MCM9: variants seen among roughly 807,000 people sequenced by gnomAD.
MCM9 encodes the protein DNA helicase MCM9.
In MCM9, 55 loss-of-function variants were observed where a neutral mutation model predicts 72.8. The observed-to-expected ratio is 0.76, with a 90% CI of 0.61 to 0.95. The LOEUF (loss-of-function observed/expected upper bound fraction) is 0.95, where lower values mean the gene tolerates loss of function less well. Ranked by LOEUF, MCM9 falls within the 40% of genes least tolerant of loss-of-function variation. The pLI is 0.00. For synonymous variants in MCM9, 480 were observed against 503.4 expected (o/e 0.95, Z 0.62); for missense variants, 1,279 against 1,377.0 (o/e 0.93, Z 1.13).
chr6:118,822,706 C>T (rs1015724204), intron 13 of MCM9, among the ~76,000 whole-genome samples: 1 of 152,202 alleles, frequency 6.6e-6, no homozygotes, highest in Middle Eastern at 3.2e-3. Context: ...AAGTTTTAGT[C>T]TGCTGAAGCA....
At chr6:118,839,894 C>T (rs1194059305) in intron 9 of MCM9, among the ~76,000 whole-genome samples, 4 of 152,126 alleles carry the variant, frequency 2.6e-5, no homozygotes, top group Admixed American at 1.3e-4. Context: ...TCAGGAGGCA[C>T]GGGAGTCAGG....
intron 9 of MCM9, among the ~76,000 whole-genome samples, chr6:118,840,891 C>A (rs913972236): frequency 2.2e-4 from 33 of 152,100 alleles, no homozygotes; most frequent in Non-Finnish European, 3.8e-4. Flanking sequence ...GCATGAGCTA[C>A]CATGCCTGGA....
At chr6:118,893,962 T>TCC in intron 8 of MCM9, 1 of 903,528 alleles carries the variant, frequency 1.1e-6, no homozygotes, top group Non-Finnish European at 1.3e-6. Context: ...CCACGCCCCC[T>TCC]CCGCCCCTCT....
chr6:118,869,085 T>C (rs1777412675), intron 8 of MCM9, among the ~76,000 whole-genome samples: 1 of 152,068 alleles, frequency 6.6e-6, no homozygotes, highest in South Asian at 2.1e-4. Flanking sequence ...TATGCAGCCA[T>C]AAAAAAGGAT....
At chr6:118,882,960 A>G (rs1778384787) in intron 8 of MCM9, among the ~76,000 whole-genome samples, 1 of 152,014 alleles carries the variant, frequency 6.6e-6, no homozygotes, top group Non-Finnish European at 1.5e-5. Context: ...AATGTGGCCC[A>G]CACACAGGGA....
chr6:118,880,240 A>G (rs967026315), intron 8 of MCM9, among the ~76,000 whole-genome samples: 2 of 152,186 alleles, frequency 1.3e-5, no homozygotes, highest in African/African-American at 2.4e-5. Flanking sequence ...GAGGAATTAG[A>G]TAAATTTGTA....
chr6:118,929,814 T>TA (rs1362309141), intron 3 of MCM9, among the ~76,000 whole-genome samples: 2 of 152,064 alleles, frequency 1.3e-5, no homozygotes, highest in Admixed American at 1.3e-4. Flanking sequence ...CTCTAATTTT[T>TA]AAAAAAGGCT....
Position 118,815,011 on chromosome 6 carries a change from C to T in MCM9, c.3245G>A (p.Gly1082Asp). The T allele has an allele frequency of 6.5e-7, 1 of 1,550,308 alleles. No homozygotes were observed. Among genetic ancestry groups the T allele is most frequent in the Non-Finnish European group, 8.7e-7 (1 of 1,146,862 alleles). Reference sequence around the variant, plus strand: ...AGGAGGGGAGCTTGGGCCTCTCTCACCTCGGTTCTTCCTTTCAGGAGGAGG... The same window carrying T: ...AGGAGGGGAGCTTGGGCCTCTCTCATCTCGGTTCTTCCTTTCAGGAGGAGG... ...KSPPPERKNR[G>D]ERGPSSPPTT... is the part of the protein sequence containing the mutation. The change falls in exon 14 of 14, where the codon GGT (glycine) becomes GAT (aspartate). Residue 1082 changes from glycine (G) to aspartate (D), a missense_variant. Physicochemically the swap from Gly to Asp is moderately conservative, Grantham distance 94. Coordinates refer to ENST00000619706, the MANE Select transcript of MCM9 (RefSeq NM_017696.3).
At chr6:118,896,048 T>G (rs982045571) in intron 8 of MCM9, among the ~76,000 whole-genome samples, 51 of 151,894 alleles carry the variant, frequency 3.4e-4, no homozygotes, top group African/African-American at 1.2e-3. Context: ...CCCGTTTTTT[T>G]TTTTTTTTTA....
intron 9 of MCM9, among the ~76,000 whole-genome samples, chr6:118,847,069 T>C (rs560447423): frequency 9.2e-5 from 14 of 151,542 alleles, no homozygotes; most frequent in Admixed American, 1.3e-4. Flanking sequence ...AAATTCACAA[T>C]ATAAAAGCAC....
In MCM9 at chr6:118,826,819, G is replaced by C; in HGVS notation, c.1778C>G (p.Ala593Gly). The change falls in exon 12 of 14, where the codon GCT becomes GGT. Residue 593 changes from alanine to glycine, a missense_variant. Physicochemically the swap from Ala to Gly is moderately conservative, Grantham distance 60. Transcript: ENST00000619706. ...CTCCATGACTGACACCACCGTAATA[G>C]CGTCTTCCAGAGTTACAGTATCACG... ...MFRDTVTLED[A>G]ITVVSVMESS... The C allele has an allele frequency of 6.4e-7, 1 of 1,550,414 alleles. No individual in the cohort carries two copies. Among genetic ancestry groups the C allele is most frequent in the Non-Finnish European group, 8.7e-7 (1 of 1,146,922 alleles).
intron 6 of MCM9, among the ~76,000 whole-genome samples, chr6:118,913,775 T>C (rs1195599861): frequency 6.6e-6 from 1 of 152,034 alleles, no homozygotes; most frequent in Non-Finnish European, 1.5e-5. Context: ...AATGTTTTTT[T>C]TCTTTTTTGG....
chr6:118,890,630 CT>C, intron 8 of MCM9, among the ~76,000 whole-genome samples: 1 of 152,092 alleles, frequency 6.6e-6, no homozygotes, highest in East Asian at 1.9e-4. Context: ...AACAAATGCT[CT>C]CTGTATGTAT....
chr6:118,823,838 A>G (rs1459758230), intron 13 of MCM9, among the ~76,000 whole-genome samples: 2 of 151,792 alleles, frequency 1.3e-5, no homozygotes, highest in Non-Finnish European at 2.9e-5. Context: ...TAAAATGTTA[A>G]TGGTATATAT....
At chr6:118,925,139 T>G (rs1042094075) in intron 3 of MCM9, among the ~76,000 whole-genome samples, 1 of 151,996 alleles carries the variant, frequency 6.6e-6, no homozygotes, top group Admixed American at 6.6e-5. Context: ...GAAAATCTTA[T>G]GTGGAAATTC....
At chr6:118,926,367 T>TTA in intron 3 of MCM9, among the ~76,000 whole-genome samples, 1 of 152,328 alleles carries the variant, frequency 6.6e-6, no homozygotes, top group South Asian at 2.1e-4. Context: ...AAGGCCTATT[T>TTA]TATAATTAAG....
chr6:118,889,425 T>C (rs1471155430), intron 8 of MCM9, among the ~76,000 whole-genome samples: 3 of 152,224 alleles, frequency 2.0e-5, no homozygotes, highest in African/African-American at 7.2e-5. Context: ...GTACGAGCAG[T>C]GGTCTAGCCT....
chr6:118,902,733 G>T (rs1003705345), intron 8 of MCM9, among the ~76,000 whole-genome samples: 1 of 152,122 alleles, frequency 6.6e-6, no homozygotes, highest in Admixed American at 6.5e-5. Context: ...TGTACATGTT[G>T]CCAAAAAGAA....
chr6:118,913,530 T>G, intron 6 of MCM9, 110 bp from the exon 7 acceptor site: 1 of 1,362,558 alleles, frequency 7.3e-7, no homozygotes, highest in Non-Finnish European at 1.0e-6. Context: ...CTCTACTATG[T>G]GAAGTGATCA....
Sources: gnomAD v4.1 joint callset for allele counts (sites outside exome capture counted in the v4.1 genomes callset) on GRCh38, gnomAD v4.1.1 for gene constraint, MANE v1.5 for transcripts, NCBI Gene and HGNC (gene_info 2026-07-23, HGNC 2026-07-21) for gene names.